The following AFP variants were observed in gnomAD, a reference collection of about 807,000 sequenced individuals.
AFP encodes alpha-fetoprotein.
In AFP, 64 loss-of-function variants were observed where a neutral mutation model predicts 78.9. That is an observed-to-expected ratio of 0.81 (90% CI 0.66 to 1.00). AFP has a LOEUF of 1.00. Among genes scored for constraint, AFP ranks in the 50% least tolerant of loss-of-function variants. The pLI, the probability that AFP is intolerant of heterozygous loss-of-function variation, is 0.00. For synonymous variants in AFP, 254 were observed against 243.8 expected, an observed-to-expected ratio of 1.04 and a Z score of -0.39; for missense variants, 689 against 703.8, an observed-to-expected ratio of 0.98 and a Z score of 0.24.
rs1455763163 is a variant in AFP at position 73,445,119 on chromosome 4, T to A, written c.840T>A (p.Asp280Glu). The change falls in exon 7 of 15, where the codon GAT (aspartate) becomes GAA (glutamate). Residue 280 changes from aspartate to glutamate, a missense_variant. Asp to Glu is a conservative substitution (Grantham distance 45). Coordinates refer to ENST00000395792, the MANE Select transcript of AFP (RefSeq NM_001134.3). ...GAGATGTGCTGGATTGTCTGCAGGA[T>A]GGGGTGAAGAGTCTTGCTTCTTAAA... is the stretch of plus-strand genomic sequence containing the variant. ...CRGDVLDCLQDGEKIMSYICS... is the reference protein window; with the variant it reads ...CRGDVLDCLQEGEKIMSYICS... 6.2e-7 allele frequency: 1 copy of A among 1,613,894 alleles called. No homozygotes were observed. Among genetic ancestry groups the A allele is most frequent in the East Asian group, 2.2e-5 (1 of 44,838 alleles).
In AFP at chr4:73,436,361, T is replaced by C; in HGVS notation, c.85+14T>C. 6.8e-7 allele frequency: 1 copy of C among 1,467,838 alleles called. No homozygotes were observed. The highest frequency in any genetic ancestry group is 9.4e-7 in the Non-Finnish European group (1 of 1,066,318). 90.9% of individuals were successfully genotyped at this position (1,467,838 alleles called of 1,614,324 possible). A position where few individuals can be genotyped will look rare whatever the true frequency, so the allele number is the denominator to read the frequency against. On this transcript the variant is annotated intron_variant, in intron 1 of 14. Transcript: ENST00000395792. The stretch of plus-strand genomic sequence containing the variant: ...AATATGGAATAGGTGAGATATTTTG[T>C]GTTTTTCTTGTCTTTTCTCTATATC...
At chr4:73,437,357 A>G (rs1179080482) in intron 2 of AFP, 146 bp downstream of exon 2, 1 of 667,194 alleles carries the variant, frequency 1.5e-6, no homozygotes, top group African/African-American at 1.8e-5. Flanking sequence ...CTGAATATCA[A>G]CTTGATGTTG....
chr4:73,442,148 C>A, intron 4 of AFP, 148 bp from the exon 5 acceptor site: 1 of 833,976 alleles, frequency 1.2e-6, no homozygotes, highest in Non-Finnish European at 1.9e-6. Flanking sequence ...TGATGATTTT[C>A]CCCTTAGGAA....
chr4:73,452,597 G>C lies in AFP; in HGVS notation c.1625G>C (p.Gly542Ala), dbSNP rs1720034149. 3 of 1,613,698 alleles carry C rather than the reference G, an allele frequency of 1.9e-6. No homozygotes were observed. Among genetic ancestry groups the C allele is most frequent in the Non-Finnish European group, 2.5e-6 (3 of 1,179,732 alleles). ...IFHKDLCQAQGVALQTMKQEF... is the reference protein window; with the variant it reads ...IFHKDLCQAQAVALQTMKQEF... The stretch of plus-strand genomic sequence containing the variant: ...CATAAGGATCTGTGCCAAGCTCAGG[G>C]TGTAGCGCTGCAAACAATGAAGCAA... Residue 542 changes from glycine (G) to alanine (A), a missense_variant, in exon 12 of 15, where the codon GGT becomes GCT. Gly to Ala is a moderately conservative substitution (Grantham distance 60). Coordinates refer to ENST00000395792, the MANE Select transcript of AFP (RefSeq NM_001134.3).
chr4:73,449,905 C>T (rs1719935587), intron 9 of AFP, 131 bp from the exon 10 acceptor site: 1 of 653,214 alleles, frequency 1.5e-6, no homozygotes, highest in African/African-American at 1.8e-5. Context: ...TCAAAATTTA[C>T]ACTTTACCAT....
chr4:73,450,448 G>A (rs1719959876), intron 10 of AFP, 167 bp from the exon 11 acceptor site: 3 of 889,128 alleles, frequency 3.4e-6, no homozygotes, highest in Non-Finnish European at 5.2e-6. Context: ...GGGAGTGGTT[G>A]TTAGAGTAAA....
intron 4 of AFP, 75 bp from the exon 5 acceptor site, chr4:73,442,221 C>A (rs1004724213): frequency 1.5e-6 from 2 of 1,369,208 alleles, no homozygotes; most frequent in Non-Finnish European, 2.0e-6. Context: ...AAATAAATCC[C>A]AGTGTCCAGT....
chr4:73,451,740 C>T (rs150746771), intron 11 of AFP, among the ~76,000 whole-genome samples: 13 of 152,298 alleles, frequency 8.5e-5, no homozygotes, highest in East Asian at 3.9e-4. Flanking sequence ...CACCCTCATA[C>T]GACAGCTGTT....
At chr4:73,439,905 G>A (rs1268393151) in intron 3 of AFP, among the ~76,000 whole-genome samples, 2 of 149,290 alleles carry the variant, frequency 1.3e-5, no homozygotes. Context: ...GAGCATTTAT[G>A]TCTGAAATGT....
At chr4:73,454,443 A>G (rs535076246) in intron 13 of AFP, among the ~76,000 whole-genome samples, 1 of 152,172 alleles carries the variant, frequency 6.6e-6, no homozygotes, top group South Asian at 2.1e-4. Context: ...ACCTTTTTTC[A>G]GCTTTATTGA....
Position 73,452,460 on chromosome 4 carries a change from T to C in AFP, c.1488T>C (p.Gly496=), listed in dbSNP as rs35920062. ...IRHEMTPVNP[G]VGQCCTSSYA... ...ATGAAATGACTCCAGTAAACCCTGGTGTTGGCCAGTGCTGCACTTCTTCAT... is the reference window on the plus strand; with the variant it reads ...ATGAAATGACTCCAGTAAACCCTGGCGTTGGCCAGTGCTGCACTTCTTCAT... Residue 496 remains glycine (G), a synonymous_variant, in exon 12 of 15, where the codon GGT becomes GGC. Transcript: ENST00000395792. 88,142 of 1,614,032 alleles carry C rather than the reference T, an allele frequency of 0.055. 2,778 individuals carry two copies. The highest frequency in any genetic ancestry group is 0.087 in the Middle Eastern group (527 of 6,060).
intron 11 of AFP, among the ~76,000 whole-genome samples, chr4:73,451,699 T>C (rs545084508): frequency 1.3e-5 from 2 of 152,334 alleles, no homozygotes; most frequent in East Asian, 1.9e-4. Flanking sequence ...CTTGAGTTTT[T>C]TCATCTGACA....
intron 12 of AFP, among the ~76,000 whole-genome samples, chr4:73,453,208 T>C (rs896751642): frequency 3.3e-5 from 5 of 152,232 alleles, no homozygotes; most frequent in African/African-American, 4.8e-5. Flanking sequence ...GGAAAACCCA[T>C]TCTTCTCTTT....
In AFP at chr4:73,449,975, A is replaced by C. The variant is rs368366869; in HGVS notation, c.1192-61A>C. The C allele has an allele frequency of 7.0e-4, 756 of 1,077,262 alleles. 12 individuals carry two copies. In the South Asian group the frequency reaches 9.6e-3, roughly 14 times the overall value. The allele number at this position is 1,077,262 out of a possible 1,614,324, so 66.7% of individuals were successfully genotyped here. ...ATAGTATATAATATTGATCAATTTTATATACAAAGTTATGCATCCAAGAAA... is the reference window on the plus strand; with the variant it reads ...ATAGTATATAATATTGATCAATTTTCTATACAAAGTTATGCATCCAAGAAA... On this transcript the variant is annotated intron_variant, in intron 9 of 14. Coordinates refer to ENST00000395792, the MANE Select transcript of AFP (RefSeq NM_001134.3).
At chr4:73,452,705 A>T (rs1720040346) in intron 12 of AFP, 81 bp downstream of exon 12, 2 of 1,116,530 alleles carry the variant, frequency 1.8e-6, no homozygotes. Context: ...CTCACCTAAC[A>T]CTATTGGGCT....
intron 8 of AFP, among the ~76,000 whole-genome samples, chr4:73,448,813 G>C (rs764333965): frequency 6.6e-6 from 1 of 152,136 alleles, no homozygotes; most frequent in Non-Finnish European, 1.5e-5. Context: ...CAGCTGCCTA[G>C]AGAGAATTTT....
At chr4:73,437,290 T>G in intron 2 of AFP, 79 bp downstream of exon 2, 1 of 1,183,436 alleles carries the variant, frequency 8.4e-7, no homozygotes, top group Non-Finnish European at 1.2e-6. Flanking sequence ...TGGGTACCCC[T>G]GTGAGCTCTT....
intron 7 of AFP, among the ~76,000 whole-genome samples, chr4:73,445,716 C>G (rs7660680): frequency 0.52 from 78,422 of 152,014 alleles, 20,728 homozygotes; most frequent in East Asian, 0.67. Flanking sequence ...ACTGTCCTAC[C>G]AGGTAAAAAG....
chr4:73,452,720 A>G (rs1577959817), intron 12 of AFP, 96 bp downstream of exon 12: 1 of 984,692 alleles, frequency 1.0e-6, no homozygotes, highest in East Asian at 2.6e-5. Flanking sequence ...TGGGCTCACT[A>G]ACAGAGCGTT....
Sources: gnomAD v4.1 joint callset for allele counts (sites outside exome capture counted in the v4.1 genomes callset) on GRCh38, gnomAD v4.1.1 for gene constraint, MANE v1.5 for transcripts, NCBI Gene and HGNC (gene_info 2026-07-23, HGNC 2026-07-21) for gene names.